Variants in LONRF2 observed in about 807,000 individuals in gnomAD.
The protein encoded by LONRF2 is LON peptidase N-terminal domain and ring finger 2.
Under a neutral mutation model 66.6 loss-of-function variants are expected in LONRF2, and 35 were observed. That is an observed-to-expected ratio of 0.53 (90% CI 0.40 to 0.70). The LOEUF (loss-of-function observed/expected upper bound fraction) is 0.70, where lower values mean the gene tolerates loss of function less well. LONRF2 is among the 30% of genes least tolerant of loss of function. LONRF2 has a pLI of 0.00. For missense variants in LONRF2, 902 were observed against 1,002.1 expected, an observed-to-expected ratio of 0.90 and a Z score of 1.35; for synonymous variants, 417 against 418.1, an observed-to-expected ratio of 1.00 and a Z score of 0.03.
At chr2:100,301,564 C>T (rs572256316) in intron 3 of LONRF2, among the ~76,000 whole-genome samples, 1 of 152,374 alleles carries the variant, frequency 6.6e-6, no homozygotes, top group Admixed American at 6.5e-5. Context: ...CTCTGAGCAG[C>T]CTCAACAGAG....
chr2:100,317,263 GTATTACTTTAC>G (rs1313339305), intron 1 of LONRF2, among the ~76,000 whole-genome samples: 1 of 151,732 alleles, frequency 6.6e-6, no homozygotes, highest in African/African-American at 2.4e-5. Context: ...GATTAATCCA[GTATTACTTTAC>G]TATTCCACTA....
At chr2:100,300,023 G>GGA (rs1257640509) in intron 4 of LONRF2, 105 bp from the exon 5 acceptor site, 1 of 574,504 alleles carries the variant, frequency 1.7e-6, no homozygotes, top group East Asian at 3.6e-5. Flanking sequence ...AAAAAAAGGG[G>GGA]GGGGCATACA....
chr2:100,302,765 A>G (rs549598187), intron 3 of LONRF2, among the ~76,000 whole-genome samples, 156 bp downstream of exon 3: 1 of 152,346 alleles, frequency 6.6e-6, no homozygotes, highest in South Asian at 2.1e-4. Context: ...TATCCAATGT[A>G]TGAACCTTAC....
At chr2:100,300,587 G>A in intron 4 of LONRF2, 57 bp downstream of exon 4, 3 of 1,504,970 alleles carry the variant, frequency 2.0e-6, no homozygotes, top group East Asian at 2.3e-5. Context: ...TGTTTAAAAT[G>A]AAGCCATTAT....
chr2:100,277,084 A>G lies in LONRF2; in HGVS notation c.*7214T>C, dbSNP rs1674616383. Reference sequence around the variant, plus strand: ...CTTAATCTTCTTGCTGCTGCTTACAAATCAGCTTGCTTTAAATGGGGCACC... The same window carrying G: ...CTTAATCTTCTTGCTGCTGCTTACAGATCAGCTTGCTTTAAATGGGGCACC... On this transcript the variant is annotated 3_prime_UTR_variant, in exon 12 of 12. Coordinates refer to ENST00000393437, the MANE Select transcript of LONRF2 (RefSeq NM_198461.4). 1.3e-5 allele frequency: 2 copies of G among 152,212 alleles called. No individual in the cohort carries two copies. Among genetic ancestry groups the G allele is most frequent in the African/African-American group, 4.8e-5 (2 of 41,442 alleles). 9.4% of individuals were successfully genotyped at this position (152,212 alleles called of 1,614,324 possible).
At chr2:100,297,221 C>T (rs1020812989) in intron 7 of LONRF2, among the ~76,000 whole-genome samples, 1 of 152,056 alleles carries the variant, frequency 6.6e-6, no homozygotes, top group African/African-American at 2.4e-5. Flanking sequence ...CTCCGCCTCC[C>T]GGGTTCACGC....
At chr2:100,296,896 A>G (rs763480655) in intron 7 of LONRF2, among the ~76,000 whole-genome samples, 41 of 152,324 alleles carry the variant, frequency 2.7e-4, no homozygotes, top group Non-Finnish European at 4.3e-4. Flanking sequence ...AAAGTCATTT[A>G]TGTGCATGAT....
chr2:100,317,365 T>C (rs555897180), intron 1 of LONRF2, among the ~76,000 whole-genome samples: 6 of 152,334 alleles, frequency 3.9e-5, no homozygotes, highest in Non-Finnish European at 7.4e-5. Context: ...CAGTCTACTT[T>C]AAATTGGTAC....
intron 1 of LONRF2, among the ~76,000 whole-genome samples, chr2:100,312,350 A>C (rs529862090): frequency 1.3e-5 from 2 of 152,078 alleles, no homozygotes; most frequent in Non-Finnish European, 2.9e-5. Flanking sequence ...TTTCTTGAAC[A>C]CATTTATCAA....
At chr2:100,318,575 C>T (rs1675556191) in intron 1 of LONRF2, among the ~76,000 whole-genome samples, 1 of 152,000 alleles carries the variant, frequency 6.6e-6, no homozygotes, top group South Asian at 2.1e-4. Flanking sequence ...GTCTATAATC[C>T]CAGCACTTTG....
rs1189346382 is a variant in LONRF2 at position 100,280,939 on chromosome 2, C to T, written c.*3359G>A. On this transcript the variant is annotated 3_prime_UTR_variant, in exon 12 of 12. Transcript: ENST00000393437. ...CTTCTTCATATCTTTCACACTTCTTCTTATTTGATAGACAGTATTCAAATT... is the reference window on the plus strand; with the variant it reads ...CTTCTTCATATCTTTCACACTTCTTTTTATTTGATAGACAGTATTCAAATT... The T allele has an allele frequency of 6.6e-6, 1 of 152,180 alleles. No homozygotes were observed. Among genetic ancestry groups the T allele is most frequent in the Non-Finnish European group, 1.5e-5 (1 of 68,036 alleles). 9.4% of individuals were successfully genotyped at this position (152,180 alleles called of 1,614,324 possible).
At position 100,300,021 on chromosome 2, in the gene LONRF2, G is replaced by T; in HGVS notation, c.1066-103C>A. The T allele has an allele frequency of 6.9e-6, 4 of 581,472 alleles. 2 individuals are homozygous for T. Among genetic ancestry groups the T allele is most frequent in the South Asian group, 4.1e-5 (2 of 48,466 alleles). 36.0% of individuals were successfully genotyped at this position (581,472 alleles called of 1,614,324 possible). A position where few individuals can be genotyped will look rare whatever the true frequency, so the allele number is the denominator to read the frequency against. ...ACTAGAAATCTTTGGAAAAAAAAAG[G>T]GGGGGGCATACACTCTTCTTCATAA... On this transcript the variant is annotated intron_variant, in intron 4 of 11. Transcript: ENST00000393437.
At chr2:100,288,193 T>C (rs1206878165) in intron 10 of LONRF2, among the ~76,000 whole-genome samples, 3 of 152,202 alleles carry the variant, frequency 2.0e-5, no homozygotes, top group Admixed American at 2.0e-4. Flanking sequence ...CTTTCAGCTG[T>C]AGCTTTGAAA....
Position 100,321,855 on chromosome 2 carries a change from G to T in LONRF2, c.239C>A (p.Ala80Glu). The T allele has an allele frequency of 8.5e-7, 1 of 1,175,354 alleles. No homozygotes were observed. Among genetic ancestry groups the T allele is most frequent in the East Asian group, 4.0e-5 (1 of 25,174 alleles). The allele number at this position is 1,175,354 out of a possible 1,614,324, so 72.8% of individuals were successfully genotyped here. A position where few individuals can be genotyped will look rare whatever the true frequency, so the allele number is the denominator to read the frequency against. ...CCCGAGCCGCGCGGCGCCGCGGAACGCGCCCAGGGCTTCGGGGAGGCGGCC... is the reference window on the plus strand; with the variant it reads ...CCCGAGCCGCGCGGCGCCGCGGAACTCGCCCAGGGCTTCGGGGAGGCGGCC... Reference protein sequence around the residue: ...RAGRLPEALGAFRGAARLGAL... With the variant: ...RAGRLPEALGEFRGAARLGAL... Residue 80 changes from alanine (A) to glutamate (E), a missense_variant, in exon 1 of 12, where the codon GCG (alanine) becomes GAG (glutamate). Ala to Glu is a moderately radical substitution (Grantham distance 107). Around this residue, in one of 2 missense-constraint regions of LONRF2, gnomAD observed 585 missense variants for 569.9 expected, o/e 1.03. Transcript: ENST00000393437.
rs777325559 is a variant in LONRF2 at position 100,286,925 on chromosome 2, G to T, written c.2059C>A (p.Pro687Thr). 8 of 1,613,720 alleles carry T rather than the reference G, an allele frequency of 5.0e-6. No individual in the cohort carries two copies. In the East Asian group the frequency reaches 1.3e-4, roughly 27 times the overall value. ...AAGGGAGGGCATACCTGAGGCTCAG[G>T]TTCTCTGTCTGGCATTACCCCAAAA... Reference protein sequence around the residue: ...SHFGVMPDREPEPQSNPSGPA... With the variant: ...SHFGVMPDRETEPQSNPSGPA... Residue 687 changes from proline to threonine, a missense_variant, in exon 11 of 12, where the codon CCT becomes ACT. Transcript: ENST00000393437.
rs1262486939 is a variant in LONRF2, at chr2:100,282,899, T to G, written c.*1399A>C. 6.6e-6 allele frequency: 1 copy of G among 151,954 alleles called. No homozygotes were observed. 9.4% of individuals were successfully genotyped at this position (151,954 alleles called of 1,614,324 possible). On this transcript the variant is annotated 3_prime_UTR_variant, in exon 12 of 12. Coordinates refer to ENST00000393437, the MANE Select transcript of LONRF2 (RefSeq NM_198461.4). ...AATTAATAATATTATAAAGTCTTTC[T>G]AATAAAATGCTTGATGGATTGATAT...
At chr2:100,306,893 AC>A (rs1675302778) in intron 2 of LONRF2, among the ~76,000 whole-genome samples, 2 of 97,234 alleles carry the variant, frequency 2.1e-5, no homozygotes, top group South Asian at 6.2e-4. Context: ...TCTTAAACTT[AC>A]TTTTTTTTTT....
intron 7 of LONRF2, among the ~76,000 whole-genome samples, chr2:100,296,765 G>A (rs960266661): frequency 6.6e-6 from 1 of 152,124 alleles, no homozygotes; most frequent in African/African-American, 2.4e-5. Flanking sequence ...TTAATAAATG[G>A]TTTATGATGT....
chr2:100,321,357 C>A (rs1369411959), intron 1 of LONRF2, 58 bp downstream of exon 1: 209 of 1,338,816 alleles, frequency 1.6e-4, no homozygotes, highest in Non-Finnish European at 2.0e-4. Context: ...CAGCTCCCCA[C>A]CCCGCTGCTG....
Sources: gnomAD v4.1 joint callset for allele counts (sites outside exome capture counted in the v4.1 genomes callset) on GRCh38, gnomAD v4.1.1 for gene constraint, gnomAD v4.1.1 regional missense constraint, MANE v1.5 for transcripts, NCBI Gene and HGNC (gene_info 2026-07-23, HGNC 2026-07-21) for gene names.